The following RYR2 variants were observed in gnomAD, a reference collection of about 807,000 sequenced individuals.
RYR2 encodes the protein cardiac muscle ryanodine receptor-calcium release channel.
In RYR2, 227 loss-of-function variants were observed where a neutral mutation model predicts 601.1. The ratio of observed to expected loss-of-function variants is 0.38; its 90% confidence interval spans 0.34 to 0.42. RYR2 has a LOEUF of 0.42. RYR2 is among the 10% of genes least tolerant of loss of function. RYR2 has a pLI of 1.00. For missense variants in RYR2, 4,646 were observed against 6,156.5 expected, an observed-to-expected ratio of 0.75 and a Z score of 8.21; for synonymous variants, 2,223 against 2,175.1, an observed-to-expected ratio of 1.02 and a Z score of -0.61.
intron 84 of RYR2, among the ~76,000 whole-genome samples, chr1:237,763,529 G>A (rs776731948): frequency 4.6e-5 from 7 of 152,186 alleles, no homozygotes; most frequent in Non-Finnish European, 7.3e-5. Context: ...AATTCAAAGA[G>A]CAGTAGAAAC....
intron 1 of RYR2, among the ~76,000 whole-genome samples, chr1:237,262,143 G>A (rs1688585755): frequency 6.7e-6 from 1 of 148,566 alleles, no homozygotes; most frequent in Non-Finnish European, 1.5e-5. Context: ...TGGCAACAGT[G>A]ATTGTAGAAA....
intron 17 of RYR2, among the ~76,000 whole-genome samples, chr1:237,491,389 C>G (rs1663321525): frequency 6.6e-6 from 1 of 152,158 alleles, no homozygotes; most frequent in Non-Finnish European, 1.5e-5. Flanking sequence ...CCCTCCCCCA[C>G]TCACTCTGTA....
In RYR2 at chr1:237,358,535, A is replaced by G. The variant is rs150142596; in HGVS notation, c.294+2550A>G. Among the ~76,000 whole-genome samples, 570 of 151,834 alleles carry G rather than the reference A, an allele frequency of 3.8e-3. 8 individuals carry two copies. The highest frequency in any genetic ancestry group is 0.01 in the African/African-American group (425 of 41,424). ...GGCATTGGTCTTTCGGGGAGCTTCT[A>G]TCCCCAGAAAACTCTGACCTGAGCT... On this transcript the variant is annotated intron_variant, in intron 4 of 104. Coordinates refer to ENST00000366574, the MANE Select transcript of RYR2 (RefSeq NM_001035.3).
In RYR2 at chr1:237,585,381, G is replaced by T. The variant is rs75755317; in HGVS notation, c.3599-4412G>T. 5.8e-3 allele frequency among the ~76,000 whole-genome samples: 879 copies of T among 152,274 alleles called. 7 individuals are homozygous for T. The highest frequency in any genetic ancestry group is 0.02 in the African/African-American group (831 of 41,562). ...AGGGTTCACCAAGATGAAACATCAG[G>T]AAACATTAACTACTAATATGGAGCC... is the stretch of plus-strand genomic sequence containing the variant. On this transcript the variant is annotated intron_variant, in intron 29 of 104. Transcript: ENST00000366574.
chr1:237,499,374 T>C (rs1368598111), intron 20 of RYR2, among the ~76,000 whole-genome samples: 2 of 152,158 alleles, frequency 1.3e-5, no homozygotes, highest in Admixed American at 1.3e-4. Context: ...AATTTAAATA[T>C]AGAAGTAGTG....
chr1:237,804,172 T>G (rs531567897), intron 98 of RYR2, among the ~76,000 whole-genome samples: 1 of 152,054 alleles, frequency 6.6e-6, no homozygotes, highest in African/African-American at 2.4e-5. Context: ...GCACTCAAGT[T>G]CCTGTGGGGT....
chr1:237,265,839 GAA>G (rs1192092641), intron 1 of RYR2, among the ~76,000 whole-genome samples: 1 of 152,190 alleles, frequency 6.6e-6, no homozygotes, highest in Non-Finnish European at 1.5e-5. Context: ...TGATGGATTG[GAA>G]AAGTGTTGAT....
At chr1:237,495,511 T>TTTG (rs1334392057) in intron 19 of RYR2, among the ~76,000 whole-genome samples, 4 of 152,166 alleles carry the variant, frequency 2.6e-5, no homozygotes, top group African/African-American at 7.2e-5. Flanking sequence ...TATGTTTTTG[T>TTTG]TTGTTTGTTT....
intron 35 of RYR2, among the ~76,000 whole-genome samples, chr1:237,605,624 A>G (rs1328699831): frequency 6.6e-6 from 1 of 152,130 alleles, no homozygotes; most frequent in South Asian, 2.1e-4. Context: ...AGGAAGTCAA[A>G]TTGTCCCTGT....
intron 8 of RYR2, among the ~76,000 whole-genome samples, chr1:237,377,829 AATT>A (rs1701166143): frequency 6.6e-6 from 1 of 152,350 alleles, no homozygotes; most frequent in African/African-American, 2.4e-5. Context: ...TATGAAAGCA[AATT>A]ATTATGTGAG....
At chr1:237,301,656 G>A (rs1693363581) in intron 2 of RYR2, among the ~76,000 whole-genome samples, 1 of 152,142 alleles carries the variant, frequency 6.6e-6, no homozygotes, top group Non-Finnish European at 1.5e-5. Context: ...GTCTGATGAT[G>A]ACTTTTGTGT....
intron 42 of RYR2, among the ~76,000 whole-genome samples, chr1:237,632,499 A>G (rs948532855): frequency 6.0e-5 from 9 of 150,000 alleles, no homozygotes; most frequent in Non-Finnish European, 1.3e-4. Context: ...GGTTCACTAC[A>G]TTCTCCTTCC....
At chr1:237,821,976 A>G (rs191669568) in intron 101 of RYR2, among the ~76,000 whole-genome samples, 1 of 152,068 alleles carries the variant, frequency 6.6e-6, no homozygotes, top group East Asian at 2.0e-4. Flanking sequence ...AGATTAGAGA[A>G]AAAAGAGTGA....
chr1:237,714,496 G>A (rs1689096392), intron 71 of RYR2, among the ~76,000 whole-genome samples: 1 of 152,132 alleles, frequency 6.6e-6, no homozygotes, highest in Non-Finnish European at 1.5e-5. Flanking sequence ...TGCAGCCATA[G>A]CACTGTTTTT....
chr1:237,726,036 G>A (rs1330924301), intron 74 of RYR2, among the ~76,000 whole-genome samples: 1 of 152,074 alleles, frequency 6.6e-6, no homozygotes, highest in African/African-American at 2.4e-5. Context: ...TCAAGAAGAT[G>A]ATTGAAGTGG....
At chr1:237,299,504 G>A (rs12066348) in intron 2 of RYR2, among the ~76,000 whole-genome samples, 7,050 of 152,210 alleles carry the variant, frequency 0.046, 435 homozygotes, top group African/African-American at 0.14. Context: ...TCTCAATACT[G>A]TAAAGATAAT....
intron 4 of RYR2, among the ~76,000 whole-genome samples, chr1:237,363,335 A>T (rs1207252743): frequency 6.6e-6 from 1 of 152,146 alleles, no homozygotes. Flanking sequence ...TAAGCCAAGG[A>T]TGAAAGCTTC....
At chr1:237,431,826 G>A (rs967879149) in intron 12 of RYR2, among the ~76,000 whole-genome samples, 5 of 152,094 alleles carry the variant, frequency 3.3e-5, no homozygotes, top group African/African-American at 1.2e-4. Context: ...GTGAGTGAAT[G>A]CACCTGGCCA....
chr1:237,127,244 T>C (rs1056197138), intron 1 of RYR2, among the ~76,000 whole-genome samples: 5 of 152,136 alleles, frequency 3.3e-5, no homozygotes, highest in African/African-American at 1.2e-4. Context: ...TTTCCCGCCT[T>C]TCTATTCCAC....
Sources: allele counts gnomAD v4.1 joint callset (sites outside exome capture counted in the v4.1 genomes callset), GRCh38; gene constraint gnomAD v4.1.1; transcripts MANE v1.5; gene names NCBI Gene and HGNC (gene_info 2026-07-23, HGNC 2026-07-21).